PIGQ: variants seen among roughly 807,000 people sequenced by gnomAD.
PIGQ encodes the protein phosphatidylinositol N-acetylglucosaminyltransferase subunit Q.
A neutral mutation model predicts 60.3 loss-of-function variants in PIGQ; 54 were observed. That is an observed-to-expected ratio of 0.90 (90% CI 0.72 to 1.12). The LOEUF is 1.12. Ranked by LOEUF, PIGQ falls within the 50% of genes most tolerant of loss-of-function variation. The pLI is 0.00. For synonymous variants in PIGQ, 416 were observed against 363.7 expected, an observed-to-expected ratio of 1.14 and a Z score of -1.64; for missense variants, 799 against 793.5, an observed-to-expected ratio of 1.01 and a Z score of -0.08.
At position 583,060 on chromosome 16, in the gene PIGQ, C is replaced by T. The variant is rs759487342; in HGVS notation, c.*25C>T. The T allele has an allele frequency of 6.2e-7, 1 of 1,612,960 alleles. No homozygotes were observed. The highest frequency in any genetic ancestry group is 8.5e-7 in the Non-Finnish European group (1 of 1,179,980). On this transcript the variant is annotated 3_prime_UTR_variant, in exon 11 of 11. Coordinates refer to ENST00000321878, the MANE Select transcript of PIGQ (RefSeq NM_004204.5). Reference sequence around the variant, plus strand: ...AGGGAACTGCTGGCTCGCCTGGCACCACCACACGGCCACAGCCAGCCATCT... The same window carrying T: ...AGGGAACTGCTGGCTCGCCTGGCACTACCACACGGCCACAGCCAGCCATCT...
chr16:579,453 TAGAGATGCCCCGGGCC>T (rs1567176998), intron 7 of PIGQ: 9 of 239,930 alleles, frequency 3.8e-5, no homozygotes, highest in African/African-American at 1.3e-4. Context: ...GCCCAGAGAC[TAGAGATGCCCCGGGCC>T]CGGAGACTAG....
At chr16:578,197 C>T in intron 4 of PIGQ, 182 bp from the exon 5 acceptor site, 1 of 611,336 alleles carries the variant, frequency 1.6e-6, no homozygotes. Flanking sequence ...GACCAGCCTC[C>T]TCAGACCCCA....
intron 1 of PIGQ, chr16:572,405 T>C (rs1283278021): frequency 1.4e-5 from 6 of 417,274 alleles, no homozygotes; most frequent in Admixed American, 2.5e-5. Context: ...CCAGCCCCAG[T>C]GCGGGCTGCC....
At chr16:572,512 C>T in intron 1 of PIGQ, 1 of 456,262 alleles carries the variant, frequency 2.2e-6, no homozygotes, top group Non-Finnish European at 4.4e-6. Flanking sequence ...CGGGAGAGGA[C>T]TTACAGGTCA....
intron 4 of PIGQ, 156 bp downstream of exon 4, chr16:576,410 A>AC (rs2035719687): frequency 1.1e-6 from 1 of 900,310 alleles, no homozygotes; most frequent in Non-Finnish European, 1.6e-6. Context: ...AGAAGCAGGA[A>AC]CTCCAGGGGC....
chr16:575,964 T>G lies in PIGQ; in HGVS notation c.815T>G (p.Leu272Arg). 1 of 1,583,450 alleles carries G rather than the reference T, an allele frequency of 6.3e-7. No homozygotes were observed. The highest frequency in any genetic ancestry group is 2.3e-5 in the East Asian group (1 of 43,596). ...CGGAAGGCGGAGAACCCTGCCCAGC[T>G]GATGAGGTGTGGGCCTGCCCTGGTC... ...STRKAENPAQ[L>R]MRKANTVASV... The change falls in exon 3 of 11, where the codon CTG (leucine) becomes CGG (arginine). Residue 272 changes from leucine to arginine, a missense_variant. Coordinates refer to ENST00000321878, the MANE Select transcript of PIGQ (RefSeq NM_004204.5).
At chr16:572,607 T>C (rs931334697) in intron 1 of PIGQ, 2 of 454,756 alleles carry the variant, frequency 4.4e-6, no homozygotes, top group Admixed American at 4.7e-5. Context: ...TCCTGGTCTG[T>C]TCCCTCATCC....
intron 9 of PIGQ, among the ~76,000 whole-genome samples, chr16:581,592 A>G (rs1441498835): frequency 6.6e-6 from 1 of 151,188 alleles, no homozygotes; most frequent in Non-Finnish European, 1.5e-5. Flanking sequence ...CCTCCCGAGT[A>G]GCTAGGATTA....
At chr16:580,668 G>C (rs984530097) in intron 8 of PIGQ, 190 bp from the exon 9 acceptor site, 1 of 612,576 alleles carries the variant, frequency 1.6e-6, no homozygotes, top group African/African-American at 1.8e-5. Flanking sequence ...AGGGCCGGGT[G>C]CTCCGCCTCC....
rs1045274 is a variant in PIGQ at position 580,902 on chromosome 16, C to T, written c.1461C>T (p.Leu487=). The part of the protein sequence containing the change: ...VVAVQGLIHL[L]VDLINSLPLY... ...CCGTGCAGGGCCTGATCCATCTGCT[C>T]GTGGACCTCATCAACTCCCTGCCGC... The change falls in exon 9 of 11, where the codon CTC becomes CTT. Residue 487 remains leucine, a synonymous_variant. Coordinates refer to ENST00000321878, the MANE Select transcript of PIGQ (RefSeq NM_004204.5). 86 of 1,604,836 alleles carry T rather than the reference C, an allele frequency of 5.4e-5. No homozygotes were observed. Among genetic ancestry groups the T allele is most frequent in the Non-Finnish European group, 6.8e-5 (80 of 1,175,228 alleles).
intron 1 of PIGQ, chr16:572,738 G>T: frequency 2.2e-6 from 1 of 456,000 alleles, no homozygotes; most frequent in South Asian, 1.5e-5. Context: ...CTAAGGATGT[G>T]GTGGGCACTG....
chr16:574,202 T>A lies in PIGQ; in HGVS notation c.128T>A (p.Ile43Asn). The A allele has an allele frequency of 6.2e-7, 1 of 1,612,356 alleles. No homozygotes were observed. ...LAVLHFPFIP[I>N]QVKQLLAQVR... ...GTCCTGCACTTTCCCTTCATCCCCA[T>A]CCAGGTCAAGCAGCTCCTGGCCCAG... Residue 43 changes from isoleucine (I) to asparagine (N), a missense_variant, in exon 2 of 11, where the codon ATC becomes AAC. Coordinates refer to ENST00000321878, the MANE Select transcript of PIGQ (RefSeq NM_004204.5).
At chr16:574,817 C>A (rs1158544778) in intron 2 of PIGQ, 54 bp downstream of exon 2, 3 of 1,346,142 alleles carry the variant, frequency 2.2e-6, no homozygotes, top group Non-Finnish European at 3.0e-6. Flanking sequence ...TGAGTGCTGG[C>A]CCATCCCTTT....
intron 10 of PIGQ, 171 bp downstream of exon 10, chr16:582,480 C>G: frequency 1.7e-6 from 1 of 599,260 alleles, no homozygotes; most frequent in South Asian, 2.2e-5. Context: ...CCCCTTACCC[C>G]CAGGGCCTGA....
rs1483430131 is a variant in PIGQ at position 582,685 on chromosome 16, GC to G, written c.1594-197del. 8 of 662,364 alleles carry G rather than the reference GC, an allele frequency of 1.2e-5. No individual in the cohort carries two copies. The East Asian group carries it at 1.8e-4, about 15-fold the overall frequency. The allele number at this position is 662,364 out of a possible 1,614,324, so 41.0% of individuals were successfully genotyped here. ...TTGGGCAGCCCCGAGGGGAGATGCA[GC>G]TTCTGCCTCCCCCCAGCGCTCCCTT... On this transcript the variant is annotated intron_variant, in intron 10 of 10. Coordinates refer to ENST00000321878, the MANE Select transcript of PIGQ (RefSeq NM_004204.5).
At chr16:582,817 A>C (rs1257323941) in intron 10 of PIGQ, 66 bp from the exon 11 acceptor site, 66 of 1,419,256 alleles carry the variant, frequency 4.7e-5, no homozygotes, top group Non-Finnish European at 5.4e-5. Context: ...GCCCGCCCCC[A>C]CCCTCTCTCT....
At chr16:581,074 C>G in intron 9 of PIGQ, 102 bp downstream of exon 9, 1 of 1,348,054 alleles carries the variant, frequency 7.4e-7, no homozygotes, top group Non-Finnish European at 1.1e-6. Context: ...GTGCCTCCAG[C>G]CTGGAAGCCG....
At chr16:573,132 G>A (rs2035662359) in intron 1 of PIGQ, among the ~76,000 whole-genome samples, 1 of 152,228 alleles carries the variant, frequency 6.6e-6, no homozygotes. Context: ...GAGAAAGGGG[G>A]AGGAGAGGCC....
chr16:581,011 G>A, intron 9 of PIGQ, 39 bp downstream of exon 9: 1 of 1,421,014 alleles, frequency 7.0e-7, no homozygotes, highest in Non-Finnish European at 9.9e-7. Context: ...CTGGGTAGGT[G>A]GAGGGGAACC....
Sources: gnomAD v4.1 joint callset for allele counts (sites outside exome capture counted in the v4.1 genomes callset) on GRCh38, gnomAD v4.1.1 for gene constraint, MANE v1.5 for transcripts, NCBI Gene and HGNC (gene_info 2026-07-23, HGNC 2026-07-21) for gene names.